Variants in PIGX observed in about 807,000 individuals in gnomAD.
PIGX encodes GPI alpha-1,4-mannosyltransferase I, stabilizing subunit.
A neutral mutation model predicts 28.7 loss-of-function variants in PIGX; 24 were observed. That is an observed-to-expected ratio of 0.84 (90% CI 0.60 to 1.17). PIGX has a LOEUF of 1.17. Among genes scored for constraint, PIGX ranks in the 50% most tolerant of loss-of-function variants. The pLI is 0.00. For missense variants in PIGX, 305 were observed against 317.8 expected, an observed-to-expected ratio of 0.96 and a Z score of 0.31; for synonymous variants, 127 against 121.0, an observed-to-expected ratio of 1.05 and a Z score of -0.33.
At chr3:196,714,435 G>A (rs115111593) in intron 1 of PIGX, among the ~76,000 whole-genome samples, 3,062 of 151,304 alleles carry the variant, frequency 0.02, 106 homozygotes, top group African/African-American at 0.07. Flanking sequence ...CTGCATTCCA[G>A]CTTGTGTGAC....
In PIGX at chr3:196,732,249, TATA is replaced by T. The variant is rs1211773733; in HGVS notation, c.633+1158_633+1160del. ...ATATATATATATATATATATATATA[TATA>T]TATATTTTATTTTATTTTATTTTTT... On this transcript the variant is annotated intron_variant, in intron 5 of 5. Transcript: ENST00000392391. 9.0e-4 allele frequency among the ~76,000 whole-genome samples: 32 copies of T among 35,568 alleles called. 2 individuals are homozygous for T. Among genetic ancestry groups the T allele is most frequent in the African/African-American group, 5.0e-3 (31 of 6,176 alleles). The allele number at this position is 35,568 out of a possible 152,430, so 23.3% of individuals were successfully genotyped here. A position where few individuals can be genotyped will look rare whatever the true frequency, so the allele number is the denominator to read the frequency against.
intron 3 of PIGX, chr3:196,726,590 A>G (rs1171913349): frequency 2.5e-5 from 11 of 444,508 alleles, no homozygotes; most frequent in Non-Finnish European, 4.5e-5. Flanking sequence ...TGCAGCTAAT[A>G]TGATGAATGA....
intron 3 of PIGX, among the ~76,000 whole-genome samples, chr3:196,724,195 A>T (rs937350955): frequency 6.6e-6 from 1 of 151,782 alleles, no homozygotes; most frequent in Non-Finnish European, 1.5e-5. Context: ...TTGTATTTTT[A>T]GTAGAGGTGG....
In PIGX at chr3:196,727,911, C is replaced by G. The variant is rs563774687; in HGVS notation, c.319-12C>G. The G allele has an allele frequency of 5.2e-6, 8 of 1,535,840 alleles. No individual in the cohort carries two copies. The African/African-American group carries it at 9.7e-5, about 19-fold the overall frequency. On this transcript the variant is annotated splice_polypyrimidine_tract_variant and intron_variant, in intron 3 of 5. Coordinates refer to ENST00000392391, the MANE Select transcript of PIGX (RefSeq NM_017861.4). ...TTTCTTCTTGATTAATATTTATTTT[C>G]TTTTTGAACAGGCAGTGATGGTTTC...
intron 2 of PIGX, chr3:196,717,807 A>G (rs1250792415): frequency 6.6e-6 from 1 of 152,200 alleles, no homozygotes; most frequent in Non-Finnish European, 1.5e-5. Flanking sequence ...GTCTTACTAC[A>G]GTTGATTCTA....
rs549372664 is a variant in PIGX, at chr3:196,728,020, T to C, written c.416T>C (p.Ile139Thr). ...TATGCCAGACGAGATTCACAGTGCATTGACTGTTTTCAAGCCTTTTTGCCT... is the reference window on the plus strand; with the variant it reads ...TATGCCAGACGAGATTCACAGTGCACTGACTGTTTTCAAGCCTTTTTGCCT... Residue 139 changes from isoleucine (I) to threonine (T), a missense_variant, in exon 4 of 6, where the codon ATT (isoleucine) becomes ACT (threonine). Coordinates refer to ENST00000392391, the MANE Select transcript of PIGX (RefSeq NM_017861.4). 5.0e-6 allele frequency: 8 copies of C among 1,614,080 alleles called. No homozygotes were observed. The highest frequency in any genetic ancestry group is 1.3e-5 in the African/African-American group (1 of 75,056).
At chr3:196,723,985 A>C (rs1712424871) in intron 3 of PIGX, among the ~76,000 whole-genome samples, 1 of 150,992 alleles carries the variant, frequency 6.6e-6, no homozygotes, top group Non-Finnish European at 1.5e-5. Flanking sequence ...ACATACACAT[A>C]CAATTATGGA....
intron 2 of PIGX, among the ~76,000 whole-genome samples, chr3:196,720,861 A>AT (rs1484101599): frequency 4.0e-5 from 6 of 151,746 alleles, no homozygotes; most frequent in Non-Finnish European, 8.8e-5. Flanking sequence ...TTTTGCCTTT[A>AT]TTTTTGAAGG....
At chr3:196,716,621 A>T (rs1712107856) in intron 1 of PIGX, among the ~76,000 whole-genome samples, 1 of 152,162 alleles carries the variant, frequency 6.6e-6, no homozygotes, top group African/African-American at 2.4e-5. Context: ...TAAGTTACAG[A>T]CTGGGATTTG....
At chr3:196,729,430 G>A (rs1264893660) in intron 4 of PIGX, among the ~76,000 whole-genome samples, 2 of 149,890 alleles carry the variant, frequency 1.3e-5, no homozygotes, top group African/African-American at 2.5e-5. Flanking sequence ...TTTTTGAGGC[G>A]GAGTCTCGCT....
At chr3:196,732,373 C>G (rs932237393) in intron 5 of PIGX, among the ~76,000 whole-genome samples, 3 of 147,758 alleles carry the variant, frequency 2.0e-5, no homozygotes, top group Admixed American at 6.8e-5. Flanking sequence ...CCTCCGCCTC[C>G]CGGGTTCAAG....
Position 196,722,547 on chromosome 3 carries a change from C to T in PIGX, c.309C>T (p.Asn103=), listed in dbSNP as rs1322711569. 3.1e-6 allele frequency: 5 copies of T among 1,613,050 alleles called. No individual in the cohort carries two copies. The highest frequency in any genetic ancestry group is 3.3e-4 in the Middle Eastern group (2 of 6,080). ...AGTTGGCTTCATTACGAGAGAGAAA[C>T]ATAACAGAGGTACAGTTATTAGGGG... The change falls in exon 3 of 6, where the codon AAC becomes AAT. Residue 103 remains asparagine (N), a synonymous_variant. Coordinates refer to ENST00000392391, the MANE Select transcript of PIGX (RefSeq NM_017861.4).
chr3:196,729,060 G>A (rs1368002132), intron 4 of PIGX, among the ~76,000 whole-genome samples: 7 of 152,174 alleles, frequency 4.6e-5, no homozygotes, highest in African/African-American at 7.2e-5. Context: ...GCTGCCGGGC[G>A]AGGTGGCTCA....
In PIGX at chr3:196,733,969, C is replaced by A; in HGVS notation, c.*67C>A. The A allele has an allele frequency of 2.0e-6, 2 of 988,326 alleles. No individual in the cohort carries two copies. The highest frequency in any genetic ancestry group is 3.1e-6 in the Non-Finnish European group (2 of 638,922). The allele number at this position is 988,326 out of a possible 1,614,324, so 61.2% of individuals were successfully genotyped here. ...CTATTAATTTCTGACGAGAGGTGTT[C>A]TTCTAGAATTAATTACTTTTATCTT... is the stretch of plus-strand genomic sequence containing the variant. On this transcript the variant is annotated 3_prime_UTR_variant, in exon 6 of 6. Transcript: ENST00000392391. The surrounding 1 kb of genome is among the most constrained non-coding windows in gnomAD (Gnocchi z 4.3).
At chr3:196,730,475 C>T (rs939168032) in intron 4 of PIGX, among the ~76,000 whole-genome samples, 3 of 151,972 alleles carry the variant, frequency 2.0e-5, no homozygotes, top group African/African-American at 7.2e-5. Context: ...TTTGGCCAGG[C>T]GTAGTGGCTC....
intron 2 of PIGX, among the ~76,000 whole-genome samples, chr3:196,719,864 A>G (rs1318573506): frequency 6.6e-6 from 1 of 151,358 alleles, no homozygotes; most frequent in Non-Finnish European, 1.5e-5. Flanking sequence ...ATCTCGGCGC[A>G]CTGCAACTTC....
chr3:196,732,074 C>T (rs1409041372), intron 5 of PIGX, among the ~76,000 whole-genome samples: 2 of 149,978 alleles, frequency 1.3e-5, no homozygotes, highest in African/African-American at 2.5e-5. Context: ...GATCCACCCC[C>T]GTCAGCCTCC....
intron 2 of PIGX, among the ~76,000 whole-genome samples, chr3:196,720,788 A>G (rs1712291556): frequency 6.6e-6 from 1 of 151,710 alleles, no homozygotes; most frequent in African/African-American, 2.4e-5. Flanking sequence ...ATCTAGTATC[A>G]TTTACTTTCT....
chr3:196,726,911 T>C (rs867753905), intron 3 of PIGX: 3 of 222,782 alleles, frequency 1.3e-5, no homozygotes, highest in South Asian at 5.1e-5. Flanking sequence ...AATACCTTTG[T>C]TGGGACAGTG....
Sources: gnomAD v4.1 joint callset for allele counts (sites outside exome capture counted in the v4.1 genomes callset) on GRCh38, gnomAD v4.1.1 for gene constraint, Gnocchi (gnomAD v3.1) non-coding constraint, MANE v1.5 for transcripts, NCBI Gene and HGNC (gene_info 2026-07-23, HGNC 2026-07-21) for gene names.